EDN1: variants seen among roughly 807,000 people sequenced by gnomAD.
The protein encoded by EDN1 is endothelin 1, also known as endothelin-1.
Under a neutral mutation model 21.7 loss-of-function variants are expected in EDN1, and 11 were observed. That is an observed-to-expected ratio of 0.51 (90% CI 0.32 to 0.84). EDN1 has a LOEUF of 0.84. Ranked by LOEUF, EDN1 falls within the 40% of genes least tolerant of loss-of-function variation. The pLI is 0.03. For missense variants in EDN1, 244 were observed against 262.3 expected (o/e 0.93, Z 0.48); for synonymous variants, 85 against 90.6 (o/e 0.94, Z 0.35).
At chr6:12,283,685 A>G in the EDN1 span, among the ~76,000 whole-genome samples, 86 of 152,280 alleles carry the variant, frequency 5.6e-4, no homozygotes, top group African/African-American at 2.0e-3. Context: ...AATTATATAG[A>G]CTTCCCACAG....
chr6:12,247,445 G>A, the EDN1 span, among the ~76,000 whole-genome samples: 1 of 151,550 alleles, frequency 6.6e-6, no homozygotes, highest in Non-Finnish European at 1.5e-5. Context: ...TCAAACAAGA[G>A]ACAATGGAAG....
the EDN1 span, among the ~76,000 whole-genome samples, chr6:12,268,186 G>C: frequency 3.7e-4 from 57 of 152,258 alleles, no homozygotes; most frequent in African/African-American, 1.3e-3. Flanking sequence ...GGATCAAGGA[G>C]TAATTTTGAC....
At chr6:12,276,201 C>T in the EDN1 span, among the ~76,000 whole-genome samples, 2 of 139,658 alleles carry the variant, frequency 1.4e-5, no homozygotes, top group Non-Finnish European at 3.1e-5. Flanking sequence ...TCCTAACACA[C>T]AAGGAGTTTT....
the EDN1 span, among the ~76,000 whole-genome samples, chr6:12,234,656 T>C: frequency 1.3e-5 from 2 of 152,158 alleles, no homozygotes; most frequent in African/African-American, 2.4e-5. Flanking sequence ...CACTTCAGGC[T>C]CTTTTGGGGC....
chr6:12,290,621 T>G lies in EDN1; in HGVS notation c.-9T>G, dbSNP rs1440143038. 3 of 1,614,142 alleles carry G rather than the reference T, an allele frequency of 1.9e-6. No individual in the cohort carries two copies. The South Asian group carries it at 3.3e-5, about 18-fold the overall frequency. Reference sequence around the variant, plus strand: ...TTGAACGGGAGGTTTTTGATCCCTTTTTTTCAGAATGGATTATTTGCTCAT... The same window carrying G: ...TTGAACGGGAGGTTTTTGATCCCTTGTTTTCAGAATGGATTATTTGCTCAT... On this transcript the variant is annotated 5_prime_UTR_variant, in exon 1 of 5. Transcript: ENST00000379375.
chr6:12,295,675 A>G (rs1762805718), intron 4 of EDN1, among the ~76,000 whole-genome samples: 1 of 152,144 alleles, frequency 6.6e-6, no homozygotes, highest in South Asian at 2.1e-4. Flanking sequence ...GGGGCTACGG[A>G]AGAAACCAGA....
the EDN1 span, among the ~76,000 whole-genome samples, chr6:12,248,166 CA>C: frequency 2.6e-5 from 4 of 152,046 alleles, no homozygotes; most frequent in African/African-American, 9.7e-5. Context: ...AAAGATTATA[CA>C]AAAGGAGGAA....
At chr6:12,262,838 C>T in the EDN1 span, among the ~76,000 whole-genome samples, 1 of 148,954 alleles carries the variant, frequency 6.7e-6, no homozygotes, top group African/African-American at 2.5e-5. Flanking sequence ...CGCCATTGCA[C>T]TCCAGTCTGG....
upstream of EDN1, among the ~76,000 whole-genome samples, chr6:12,289,960 T>G (rs1762631479): frequency 6.6e-6 from 1 of 152,056 alleles, no homozygotes; most frequent in African/African-American, 2.4e-5. Flanking sequence ...TAAAAAAAAT[T>G]CCCCGCACAC....
At chr6:12,255,977 TTC>T in the EDN1 span, among the ~76,000 whole-genome samples, 1 of 152,314 alleles carries the variant, frequency 6.6e-6, no homozygotes, top group East Asian at 1.9e-4. Flanking sequence ...GTTTCAACTT[TTC>T]TTATTCATCC....
the EDN1 span, among the ~76,000 whole-genome samples, chr6:12,264,080 C>G: frequency 6.6e-6 from 1 of 152,090 alleles, no homozygotes; most frequent in African/African-American, 2.4e-5. Context: ...AGAGTAATTC[C>G]TAATATAAAA....
the EDN1 span, among the ~76,000 whole-genome samples, chr6:12,264,068 G>A: frequency 6.6e-6 from 1 of 152,190 alleles, no homozygotes; most frequent in Non-Finnish European, 1.5e-5. Flanking sequence ...AGTGAAGAAT[G>A]AAGAGTAATT....
At chr6:12,244,202 AAATT>A in the EDN1 span, among the ~76,000 whole-genome samples, 2 of 152,314 alleles carry the variant, frequency 1.3e-5, no homozygotes, top group African/African-American at 4.8e-5. Context: ...CAAATTAAAT[AAATT>A]AACTAATTTT....
chr6:12,249,472 T>C, the EDN1 span, among the ~76,000 whole-genome samples: 1 of 151,180 alleles, frequency 6.6e-6, no homozygotes, highest in Non-Finnish European at 1.5e-5. Flanking sequence ...GTAAGGCAAA[T>C]GTCTTCCAGT....
At chr6:12,243,290 GGAGGAGGAGGAGGA>G in the EDN1 span, among the ~76,000 whole-genome samples, 1 of 145,414 alleles carries the variant, frequency 6.9e-6, no homozygotes, top group Non-Finnish European at 1.5e-5. Flanking sequence ...TGAGTAAAGA[GGAGGAGGAGGAGGA>G]GAGGAGGAGG....
the EDN1 span, among the ~76,000 whole-genome samples, chr6:12,230,761 G>C: frequency 2.0e-5 from 3 of 152,108 alleles, no homozygotes; most frequent in African/African-American, 7.2e-5. Context: ...TATTGATTTT[G>C]AGGTTACAAA....
the EDN1 span, among the ~76,000 whole-genome samples, chr6:12,262,545 T>C: frequency 6.6e-6 from 1 of 152,074 alleles, no homozygotes; most frequent in Non-Finnish European, 1.5e-5. Flanking sequence ...AAATAGGAAA[T>C]AAAAATGATT....
chr6:12,256,225 C>T, the EDN1 span, among the ~76,000 whole-genome samples: 78 of 152,234 alleles, frequency 5.1e-4, no homozygotes, highest in African/African-American at 1.7e-3. Context: ...TGGTGGTGCA[C>T]GTCTACAGTC....
chr6:12,241,691 C>T, the EDN1 span, among the ~76,000 whole-genome samples: 1 of 152,162 alleles, frequency 6.6e-6, no homozygotes, highest in African/African-American at 2.4e-5. Flanking sequence ...GAATTGAAAC[C>T]AGCTTATGGT....
Sources: allele counts gnomAD v4.1 joint callset (sites outside exome capture counted in the v4.1 genomes callset), GRCh38; gene constraint gnomAD v4.1.1; transcripts MANE v1.5; gene names NCBI Gene and HGNC (gene_info 2026-07-23, HGNC 2026-07-21).